Variants in ZNF331 observed in about 807,000 individuals in gnomAD.
The protein encoded by ZNF331 is C2H2-like zinc finger protein rearranged in thyroid adenomas.
In ZNF331, 2 loss-of-function variants were observed where a neutral mutation model predicts 7.0. That is an observed-to-expected ratio of 0.29 (90% CI 0.12 to 0.90). The LOEUF (loss-of-function observed/expected upper bound fraction) is 0.90. Ranked by LOEUF, ZNF331 falls within the 40% of genes least tolerant of loss-of-function variation. ZNF331 has a pLI of 0.58. For missense variants in ZNF331, 432 were observed against 587.7 expected (o/e 0.74, Z 2.74); for synonymous variants, 196 against 205.4 (o/e 0.95, Z 0.39).
At chr19:53,518,267 G>C (rs1316755875), upstream of ZNF331, among the ~76,000 whole-genome samples, 1 of 152,002 alleles carries the variant, frequency 6.6e-6, no homozygotes, top group Non-Finnish European at 1.5e-5. Context: ...TTTGGTCTTT[G>C]GACTCTTAGA....
chr19:53,543,126 A>G (rs1415823114), intron 2 of ZNF331, among the ~76,000 whole-genome samples: 3 of 138,212 alleles, frequency 2.2e-5, no homozygotes, highest in African/African-American at 5.4e-5. Context: ...TTACCATTAG[A>G]AAAAAAAGGA....
chr19:53,554,290 CAT>C (rs1170667600), intron 2 of ZNF331, among the ~76,000 whole-genome samples: 2 of 152,328 alleles, frequency 1.3e-5, no homozygotes, highest in Admixed American at 6.5e-5. Context: ...TGCACGCGCA[CAT>C]GTGTGTCGGG....
chr19:53,513,523 A>C, the ZNF331 span, among the ~76,000 whole-genome samples: 2 of 152,124 alleles, frequency 1.3e-5, no homozygotes, highest in African/African-American at 4.8e-5. Context: ...TTTCCTCCGC[A>C]TCCTCACCAC....
intron 2 of ZNF331, among the ~76,000 whole-genome samples, chr19:53,524,586 C>T (rs1199511009): frequency 6.6e-6 from 1 of 152,116 alleles, no homozygotes; most frequent in East Asian, 1.9e-4. Flanking sequence ...CTGTTCATAT[C>T]CTTGGCCCAC....
chr19:53,570,255 C>CA (rs34199381), intron 4 of ZNF331, among the ~76,000 whole-genome samples: 31 of 112,372 alleles, frequency 2.8e-4, no homozygotes, highest in African/African-American at 9.5e-4. Context: ...GACTCTGTCT[C>CA]AAAAAAAAAA....
In ZNF331 at chr19:53,559,501, TAC is replaced by T. The variant is rs570770170; in HGVS notation, c.-74+3598_-74+3599del. Among the ~76,000 whole-genome samples the T allele has an allele frequency of 6.3e-3, 945 of 149,192 alleles. 9 individuals are homozygous for T. Among genetic ancestry groups the T allele is most frequent in the Non-Finnish European group, 9.3e-3 (624 of 67,406 alleles). On this transcript the variant is annotated intron_variant, in intron 3 of 5. Coordinates refer to ENST00000449416, the MANE Select transcript of ZNF331 (RefSeq NM_001079906.2). ...TGCACACACCATATATATGCATATA[TAC>T]ACACCTACATATATACACACATATA...
At chr19:53,562,814 C>T (rs907507794) in intron 3 of ZNF331, among the ~76,000 whole-genome samples, 15 of 151,780 alleles carry the variant, frequency 9.9e-5, no homozygotes, top group Non-Finnish European at 2.1e-4. Context: ...ATGGTGAAAC[C>T]CCATCTCTAC....
At chr19:53,528,352 C>T (rs1245915976) in intron 2 of ZNF331, among the ~76,000 whole-genome samples, 3 of 152,106 alleles carry the variant, frequency 2.0e-5, no homozygotes, top group Non-Finnish European at 4.4e-5. Flanking sequence ...AAAACAGCAG[C>T]CTCATGTTTC....
chr19:53,537,418 C>T (rs1301392641), upstream of ZNF331: 1 of 152,278 alleles, frequency 6.6e-6, no homozygotes, highest in African/African-American at 2.4e-5. Context: ...GGAGAGGATA[C>T]CCTTCTGAGG....
At chr19:53,520,112 A>T (rs1330819369), upstream of ZNF331, among the ~76,000 whole-genome samples, 1 of 150,822 alleles carries the variant, frequency 6.6e-6, no homozygotes, top group Non-Finnish European at 1.5e-5. Flanking sequence ...CAGTGGTGTG[A>T]TCTCGGCTCA....
upstream of ZNF331, among the ~76,000 whole-genome samples, chr19:53,517,563 A>T (rs2086932193): frequency 1.3e-5 from 2 of 151,998 alleles, no homozygotes; most frequent in South Asian, 4.2e-4. Flanking sequence ...TCAACAGACA[A>T]CTCAGCCCAG....
At chr19:53,531,277 C>T (rs145947682) in intron 2 of ZNF331, among the ~76,000 whole-genome samples, 1 of 152,292 alleles carries the variant, frequency 6.6e-6, no homozygotes, top group African/African-American at 2.4e-5. Context: ...AATATTCTCA[C>T]TATAACAACT....
In ZNF331 at chr19:53,577,719, G is replaced by C; in HGVS notation, c.1159G>C (p.Glu387Gln). The C allele has an allele frequency of 1.2e-6, 2 of 1,614,012 alleles. No individual in the cohort carries two copies. The highest frequency in any genetic ancestry group is 1.7e-6 in the Non-Finnish European group (2 of 1,179,860). The change falls in exon 6 of 6, where the codon GAG (glutamate) becomes CAG (glutamine). Residue 387 changes from glutamate to glutamine, a missense_variant. Glu to Gln is a conservative substitution (Grantham distance 29, BLOSUM62 2). This residue lies in a region of ZNF331 where 312 missense variants were observed against 448.6 expected (regional missense o/e 0.70). Coordinates refer to ENST00000449416, the MANE Select transcript of ZNF331 (RefSeq NM_001079906.2). ...HTGETPYKCK[E>Q]CGKAFIYGSS... ...AGGCGAAACCCCGTATAAATGTAAGGAGTGTGGGAAGGCTTTCATTTATGG... is the reference window on the plus strand; with the variant it reads ...AGGCGAAACCCCGTATAAATGTAAGCAGTGTGGGAAGGCTTTCATTTATGG...
the ZNF331 span, chr19:53,504,307 T>C: frequency 3.9e-6 from 1 of 255,656 alleles, no homozygotes. Context: ...CCTAATCTTA[T>C]CAGAAATATG....
chr19:53,559,893 T>C (rs997933996), intron 3 of ZNF331, among the ~76,000 whole-genome samples: 4 of 149,424 alleles, frequency 2.7e-5, no homozygotes, highest in Non-Finnish European at 4.5e-5. Context: ...ACACATGCCA[T>C]ACACACACAT....
rs2147310823 is a variant in ZNF331, at chr19:53,539,392, T to C, written c.-138+110T>C. On this transcript the variant is annotated intron_variant, in intron 2 of 5. Coordinates refer to ENST00000449416, the MANE Select transcript of ZNF331 (RefSeq NM_001079906.2). This position sits in a 1 kb window ranked among gnomAD's most constrained non-coding sequence, Gnocchi z 6.1. ...AGTCCTGTTTCTGCCTCTTAGCTTT[T>C]TGAGCCTTCTGAAGATAGGCTTGTG... The C allele has an allele frequency of 6.6e-6, 1 of 152,324 alleles. No homozygotes were observed. The highest frequency in any genetic ancestry group is 2.1e-4 in the South Asian group (1 of 4,828). The allele number at this position is 152,324 out of a possible 1,614,324, so 9.4% of individuals were successfully genotyped here.
chr19:53,506,500 CTCTCTCTGTCTCTCT>C, the ZNF331 span, among the ~76,000 whole-genome samples: 1 of 139,168 alleles, frequency 7.2e-6, no homozygotes, highest in African/African-American at 3.0e-5. Context: ...CTCTCTCTCT[CTCTCTCTGTCTCTCT>C]CTCTCTCTCA....
At chr19:53,566,235 C>T (rs926075085) in intron 3 of ZNF331, among the ~76,000 whole-genome samples, 5 of 152,158 alleles carry the variant, frequency 3.3e-5, no homozygotes, top group East Asian at 1.9e-4. Context: ...TGTGACAACA[C>T]CTGTTCCATG....
At chr19:53,506,411 C>CCTCTCTCTCTCTCTCTCTCTCTCTCTCT in the ZNF331 span, among the ~76,000 whole-genome samples, 4 of 74,414 alleles carry the variant, frequency 5.4e-5, no homozygotes, top group African/African-American at 6.4e-5. Context: ...CTCTCTCTCT[C>CCTCTCTCTCTCTCTCTCTCTCTCTCTCT]CTCTCTCTCT....
Sources: allele counts gnomAD v4.1 joint callset (sites outside exome capture counted in the v4.1 genomes callset), GRCh38; gene constraint gnomAD v4.1.1; regional missense constraint gnomAD v4.1.1; non-coding constraint Gnocchi (gnomAD v3.1); transcripts MANE v1.5; gene names NCBI Gene and HGNC (gene_info 2026-07-23, HGNC 2026-07-21).